Variants in LRRK2 observed in about 807,000 individuals in gnomAD.
LRRK2 encodes leucine-rich repeat serine/threonine-protein kinase 2.
A neutral mutation model predicts 302.6 loss-of-function variants in LRRK2; 203 were observed. That is an observed-to-expected ratio of 0.67 (90% CI 0.60 to 0.75). The LOEUF is 0.75. Ranked by LOEUF, LRRK2 falls within the 30% of genes least tolerant of loss-of-function variation. The pLI is 0.00. For missense variants in LRRK2, 2,830 were observed against 2,951.0 expected, an observed-to-expected ratio of 0.96 and a Z score of 0.95; for synonymous variants, 1,066 against 1,031.9, an observed-to-expected ratio of 1.03 and a Z score of -0.63.
chr12:40,309,368 T>A, intron 30 of LRRK2, 135 bp downstream of exon 30: 1 of 1,172,928 alleles, frequency 8.5e-7, no homozygotes, highest in Non-Finnish European at 1.2e-6. Context: ...AAAGAAGCAC[T>A]AAAATTTTGA....
chr12:40,278,832 T>C (rs1943566898), intron 18 of LRRK2, among the ~76,000 whole-genome samples: 1 of 152,150 alleles, frequency 6.6e-6, no homozygotes, highest in African/African-American at 2.4e-5. Context: ...AAAATATAAT[T>C]CAAATTATCT....
chr12:40,364,673 C>T (rs1350432162), intron 48 of LRRK2, among the ~76,000 whole-genome samples, 169 bp from the exon 49 acceptor site: 1 of 151,794 alleles, frequency 6.6e-6, no homozygotes, highest in Non-Finnish European at 1.5e-5. Context: ...AGAAGTGTGG[C>T]TCTTTGGCAT....
At chr12:40,364,549 C>T (rs1946818816) in intron 48 of LRRK2, among the ~76,000 whole-genome samples, 1 of 151,466 alleles carries the variant, frequency 6.6e-6, no homozygotes, top group Non-Finnish European at 1.5e-5. Flanking sequence ...CACATGTATG[C>T]TATTTTTACT....
At chr12:40,309,084 T>A (rs966396647) in intron 29 of LRRK2, 22 bp from the exon 30 acceptor site, 5 of 1,611,982 alleles carry the variant, frequency 3.1e-6, no homozygotes, top group Non-Finnish European at 4.2e-6. Flanking sequence ...ATTAAAAAAA[T>A]TTGTCTCTAA....
Position 40,243,569 on chromosome 12 carries a change from C to T in LRRK2, c.726C>T (p.Leu242=), listed in dbSNP as rs201803678. 6.2e-7 allele frequency: 1 copy of T among 1,611,678 alleles called. No homozygotes were observed. The highest frequency in any genetic ancestry group is 8.5e-7 in the Non-Finnish European group (1 of 1,178,352). ...LAIPCNNVEV[L]MSGNVRCYNI... is the part of the protein sequence containing the mutation. Reference sequence around the variant, plus strand: ...ATTCAGGCAATAATGTGGAAGTCCTCATGAGTGGCAATGTCAGGTGTTATA... The same window carrying T: ...ATTCAGGCAATAATGTGGAAGTCCTTATGAGTGGCAATGTCAGGTGTTATA... Residue 242 remains leucine, a synonymous_variant, in exon 7 of 51, where the codon CTC becomes CTT. Transcript: ENST00000298910.
chr12:40,367,627 T>A lies in LRRK2; in HGVS notation c.7463-17T>A. ...GATGGATCTTTGAAACATGATTTCA[T>A]TTTTTTCTTTTTCTAGAGATACAAT... is the stretch of plus-strand genomic sequence containing the variant. On this transcript the variant is annotated splice_polypyrimidine_tract_variant and intron_variant, in intron 50 of 50. Transcript: ENST00000298910. 3.1e-6 allele frequency: 5 copies of A among 1,594,860 alleles called. No homozygotes were observed. The highest frequency in any genetic ancestry group is 4.3e-6 in the Non-Finnish European group (5 of 1,170,182).
At chr12:40,362,670 C>A (rs4768236) in intron 47 of LRRK2, among the ~76,000 whole-genome samples, 93,560 of 151,816 alleles carry the variant, frequency 0.62, 29,265 homozygotes, top group Non-Finnish European at 0.67. Context: ...CCAGAGGAGC[C>A]GACATTTAAG....
intron 20 of LRRK2, among the ~76,000 whole-genome samples, chr12:40,292,000 G>A (rs1944177085): frequency 6.6e-6 from 1 of 151,844 alleles, no homozygotes; most frequent in Non-Finnish European, 1.5e-5. Flanking sequence ...TCTTCCTCTG[G>A]AAGAATTCCC....
intron 27 of LRRK2, 117 bp downstream of exon 27, chr12:40,304,251 T>C: frequency 1.0e-6 from 1 of 963,490 alleles, no homozygotes; most frequent in Non-Finnish European, 1.5e-6. Context: ...AAGCTTCCTG[T>C]TAACTATAAA....
Position 40,305,879 on chromosome 12 carries a change from TA to T in LRRK2, c.3874del (p.Ser1292AlafsTer20). On this transcript the variant is annotated frameshift_variant, in exon 28 of 51. Transcript: ENST00000298910. LOFTEE classifies it high-confidence loss of function. ...LRSFPNEMGK[L>X]SKIWDLPLDE... ...TCCTTTCCCAATGAAATGGGGAAAT[TA>T]AGCAAAATATGGGATCTTCCTTTGG... 6.2e-7 allele frequency: 1 copy of T among 1,613,590 alleles called. No individual in the cohort carries two copies. The highest frequency in any genetic ancestry group is 8.5e-7 in the Non-Finnish European group (1 of 1,179,656).
chr12:40,260,992 C>CAATAT (rs1942747723), intron 13 of LRRK2, among the ~76,000 whole-genome samples: 1 of 152,058 alleles, frequency 6.6e-6, no homozygotes, highest in African/African-American at 2.4e-5. Context: ...GAGTATTACT[C>CAATAT]AATATAAAAG....
intron 50 of LRRK2, 75 bp from the exon 51 acceptor site, chr12:40,367,569 G>T: frequency 6.8e-7 from 1 of 1,468,360 alleles, no homozygotes; most frequent in South Asian, 1.3e-5. Flanking sequence ...AAAAATACAT[G>T]AGCCAAACTG....
chr12:40,324,230 A>G (rs1254776939), intron 38 of LRRK2, among the ~76,000 whole-genome samples: 2 of 152,160 alleles, frequency 1.3e-5, no homozygotes, highest in Admixed American at 6.5e-5. Context: ...TATACTTTGT[A>G]CAAATTTTTT....
chr12:40,355,544 CTT>C (rs1365381164), intron 45 of LRRK2, among the ~76,000 whole-genome samples: 11,853 of 37,708 alleles, frequency 0.31, 962 homozygotes, highest in Non-Finnish European at 0.41. Flanking sequence ...TTCCTTCCTT[CTT>C]CTTTTTTTTT....
At chr12:40,294,464 A>G (rs919230408) in intron 21 of LRRK2, among the ~76,000 whole-genome samples, 25 of 152,072 alleles carry the variant, frequency 1.6e-4, no homozygotes, top group Non-Finnish European at 3.7e-4. Context: ...GATGGGTGAA[A>G]TGAATGACTG....
chr12:40,254,399 G>A (rs1565683802), intron 11 of LRRK2, among the ~76,000 whole-genome samples: 1 of 152,090 alleles, frequency 6.6e-6, no homozygotes, highest in Non-Finnish European at 1.5e-5. Flanking sequence ...TAAAACGCTT[G>A]GAGTGGCCAG....
Position 40,295,555 on chromosome 12 carries a change from A to G in LRRK2, c.3007A>G (p.Lys1003Glu). Residue 1003 changes from lysine to glutamate, a missense_variant, in exon 23 of 51, where the codon AAA becomes GAA. Physicochemically the swap from Lys to Glu is moderately conservative, Grantham distance 56. Transcript: ENST00000298910. ...AAGAGATATTGATGCCCTAAGCCAG[A>G]AATGCTGTATAAGTGTTCATTTGGA... ...ELRDIDALSQ[K>E]CCISVHLEHL... 1 of 1,614,078 alleles carries G rather than the reference A, an allele frequency of 6.2e-7. No individual in the cohort carries two copies.
chr12:40,363,409 T>C lies in LRRK2; in HGVS notation c.7036T>C (p.Tyr2346His), dbSNP rs138264225. Residue 2346 changes from tyrosine to histidine, a missense_variant, in exon 48 of 51, where the codon TAT becomes CAT. By Grantham distance (83) the Tyr-to-His change is moderately conservative (BLOSUM62 2). Around this residue, in one of 3 missense-constraint regions of LRRK2, gnomAD observed 456 missense variants for 456.3 expected, o/e 1.00. Transcript: ENST00000298910. ...ATTTTTTTTTCTCTGTAGGTTTTCT[T>C]ATGCAGCTTTCAGTGATTCCAACAT... ...IETRTSQLFS[Y>H]AAFSDSNIIT... 3.0e-5 allele frequency: 49 copies of C among 1,611,398 alleles called. No individual in the cohort carries two copies. The African/African-American group carries it at 5.7e-4, about 19-fold the overall frequency.
Position 40,315,315 on chromosome 12 carries a change from T to C in LRRK2, c.4827+15T>C. ...TCATGGCACAGGTTGGTGTCTTTTA[T>C]TTTTGTGGCACGGGGGTTATGGTCA... On this transcript the variant is annotated intron_variant, in intron 33 of 50. Transcript: ENST00000298910. 1 of 1,599,216 alleles carries C rather than the reference T, an allele frequency of 6.3e-7. No individual in the cohort carries two copies. The highest frequency in any genetic ancestry group is 8.6e-7 in the Non-Finnish European group (1 of 1,166,618).
Sources: gnomAD v4.1 joint callset for allele counts (sites outside exome capture counted in the v4.1 genomes callset) on GRCh38, gnomAD v4.1.1 for gene constraint, gnomAD v4.1.1 regional missense constraint, MANE v1.5 for transcripts, NCBI Gene and HGNC (gene_info 2026-07-23, HGNC 2026-07-21) for gene names.